Variants in PTGER3 observed in about 807,000 individuals in gnomAD.
The protein encoded by PTGER3 is prostaglandin E2 receptor EP3 subtype.
PTGER3 carries 22 observed loss-of-function variants against 34.7 expected under a neutral mutation model. The observed-to-expected ratio is 0.63, with a 90% CI of 0.45 to 0.91. The LOEUF (loss-of-function observed/expected upper bound fraction) is 0.91. Among genes scored for constraint, PTGER3 ranks in the 40% least tolerant of loss-of-function variants. The pLI is 0.00. For missense variants in PTGER3, 468 were observed against 519.4 expected, an observed-to-expected ratio of 0.90 and a Z score of 0.96; for synonymous variants, 241 against 230.1, an observed-to-expected ratio of 1.05 and a Z score of -0.43.
intron 4 of PTGER3, among the ~76,000 whole-genome samples, chr1:70,879,401 A>G (rs1195760336): frequency 6.6e-6 from 1 of 151,962 alleles, no homozygotes; most frequent in Non-Finnish European, 1.5e-5. Context: ...TGTGAGCCAC[A>G]GCATCTGGCT....
At chr1:70,871,168 CT>C (rs1301759457) in intron 4 of PTGER3, among the ~76,000 whole-genome samples, 2 of 152,074 alleles carry the variant, frequency 1.3e-5, no homozygotes, top group African/African-American at 4.8e-5. Context: ...ATCTGTTTGG[CT>C]TTTGGGGAGG....
At chr1:70,999,523 A>C (rs2247098) in intron 2 of PTGER3, among the ~76,000 whole-genome samples, 139,160 of 152,270 alleles carry the variant, frequency 0.91, 63,688 homozygotes, top group East Asian at 0.96. Flanking sequence ...ATTGTATTTT[A>C]CCAGAAGAAG....
At chr1:70,929,859 G>GA (rs369833551) in intron 4 of PTGER3, among the ~76,000 whole-genome samples, 285 of 152,110 alleles carry the variant, frequency 1.9e-3, no homozygotes, top group Middle Eastern at 0.01. Context: ...TCTGTTTCAA[G>GA]AAAAAAGGAA....
chr1:70,879,907 A>C (rs1164831379), intron 4 of PTGER3, among the ~76,000 whole-genome samples: 1 of 152,114 alleles, frequency 6.6e-6, no homozygotes, highest in Non-Finnish European at 1.5e-5. Flanking sequence ...ATCCTGGCCA[A>C]CATGGTGGAA....
At chr1:70,969,950 A>G (rs1459557344), downstream of PTGER3, among the ~76,000 whole-genome samples, 1 of 152,188 alleles carries the variant, frequency 6.6e-6, no homozygotes, top group South Asian at 2.1e-4. Context: ...CAATTTATAG[A>G]TTAATTTATT....
chr1:70,879,744 C>T (rs1646349140), intron 4 of PTGER3, among the ~76,000 whole-genome samples: 1 of 152,114 alleles, frequency 6.6e-6, no homozygotes, highest in African/African-American at 2.4e-5. Flanking sequence ...TTCTTCTTCA[C>T]CTTGTCACTC....
intron 1 of PTGER3, among the ~76,000 whole-genome samples, chr1:71,042,916 A>G (rs1660441743): frequency 6.6e-6 from 1 of 152,340 alleles, no homozygotes; most frequent in Non-Finnish European, 1.5e-5. Flanking sequence ...TCCAGTTCCA[A>G]GATTGATGAT....
intron 4 of PTGER3, among the ~76,000 whole-genome samples, chr1:70,908,917 A>G (rs1647005584): frequency 6.6e-6 from 1 of 152,230 alleles, no homozygotes; most frequent in Non-Finnish European, 1.5e-5. Flanking sequence ...ATAAGAGAAA[A>G]GTGAGGCATA....
At chr1:70,900,904 T>G (rs1158859676) in intron 4 of PTGER3, among the ~76,000 whole-genome samples, 6 of 138,712 alleles carry the variant, frequency 4.3e-5, no homozygotes, top group African/African-American at 1.6e-4. Flanking sequence ...TATTTGATTA[T>G]TTATTGCAAG....
At chr1:70,967,412 G>A (rs181874606), downstream of PTGER3, among the ~76,000 whole-genome samples, 293 of 152,178 alleles carry the variant, frequency 1.9e-3, no homozygotes, top group Non-Finnish European at 2.6e-3. Flanking sequence ...ATGTGGTTGA[G>A]ATTTAAATAA....
At chr1:70,943,860 G>GAGAGAGAGAGAGAGAGAA (rs1649981562) in intron 4 of PTGER3, among the ~76,000 whole-genome samples, 1 of 151,610 alleles carries the variant, frequency 6.6e-6, no homozygotes, top group Non-Finnish European at 1.5e-5. Context: ...GAGAGAGAGA[G>GAGAGAGAGAGAGAGAGAA]AGAGAGAGAG....
At chr1:70,994,167 A>G (rs972311736) in intron 2 of PTGER3, among the ~76,000 whole-genome samples, 7 of 152,182 alleles carry the variant, frequency 4.6e-5, no homozygotes, top group Admixed American at 3.9e-4. Flanking sequence ...GGGCCATTGC[A>G]GACATCTGAA....
chr1:70,903,421 C>T lies in PTGER3; in HGVS notation c.*23+50342G>A, dbSNP rs182615727. ...TGACTAACATAGATATAATGCCTTT[C>T]GATTTACAAATCTTTGTACAGATAA... On this transcript the variant is annotated intron_variant, in intron 4 of 4. Coordinates refer to the PTGER3 transcript ENST00000370931. Among the ~76,000 whole-genome samples the T allele has an allele frequency of 1.1e-4, 16 of 152,266 alleles. No homozygotes were observed. The East Asian group carries it at 2.1e-3, about 20-fold the overall frequency.
At chr1:70,956,419 C>A in intron 2 of PTGER3, among the ~76,000 whole-genome samples, 1 of 151,448 alleles carries the variant, frequency 6.6e-6, no homozygotes, top group African/African-American at 2.4e-5. Context: ...CTTCTTAGAA[C>A]ACAAGTACAT....
chr1:70,944,609 T>C (rs1455654492), intron 4 of PTGER3, among the ~76,000 whole-genome samples: 1 of 152,124 alleles, frequency 6.6e-6, no homozygotes, highest in African/African-American at 2.4e-5. Flanking sequence ...GGATAGCATA[T>C]CTTTATATGT....
chr1:70,957,802 G>A (rs1225119644), intron 2 of PTGER3, among the ~76,000 whole-genome samples: 4 of 152,040 alleles, frequency 2.6e-5, no homozygotes, highest in Non-Finnish European at 5.9e-5. Context: ...TATTCTTCCT[G>A]TATAATTTAA....
intron 4 of PTGER3, among the ~76,000 whole-genome samples, chr1:70,903,416 C>A (rs928797688): frequency 6.6e-6 from 1 of 152,118 alleles, no homozygotes; most frequent in African/African-American, 2.4e-5. Flanking sequence ...AGATATAATG[C>A]CTTTCGATTT....
intron 4 of PTGER3, among the ~76,000 whole-genome samples, chr1:70,906,446 C>T (rs1646950171): frequency 6.6e-6 from 1 of 152,108 alleles, no homozygotes; most frequent in African/African-American, 2.4e-5. Flanking sequence ...GAGTAGGCCT[C>T]AAGCATCATT....
At chr1:70,939,927 C>G (rs536784523) in intron 4 of PTGER3, among the ~76,000 whole-genome samples, 5 of 152,336 alleles carry the variant, frequency 3.3e-5, no homozygotes, top group Admixed American at 2.6e-4. Flanking sequence ...GCAAATTTCT[C>G]TAGCTGGCTT....
Sources: allele counts gnomAD v4.1 joint callset (sites outside exome capture counted in the v4.1 genomes callset), GRCh38; gene constraint gnomAD v4.1.1; transcripts MANE v1.5; gene names NCBI Gene and HGNC (gene_info 2026-07-23, HGNC 2026-07-21).